Variants in DSC3 observed in about 807,000 individuals in gnomAD.
DSC3 encodes the protein desmocollin-3.
DSC3 carries 97 observed loss-of-function variants against 89.5 expected under a neutral mutation model. The observed-to-expected ratio is 1.08, with a 90% CI of 0.92 to 1.28. The LOEUF (loss-of-function observed/expected upper bound fraction) is 1.28. DSC3 is among the 50% of genes most tolerant of loss of function. The pLI is 0.00. For synonymous variants in DSC3, 436 were observed against 384.1 expected, an observed-to-expected ratio of 1.14 and a Z score of -1.58; for missense variants, 1,199 against 1,085.3, an observed-to-expected ratio of 1.10 and a Z score of -1.47.
chr18:31,019,609 A>G (rs1450284788), intron 7 of DSC3, among the ~76,000 whole-genome samples: 1 of 152,144 alleles, frequency 6.6e-6, no homozygotes, highest in Non-Finnish European at 1.5e-5. Context: ...CATGGGCAAT[A>G]TAGCAAGACC....
At chr18:30,996,346 G>A (rs1984465125) in intron 15 of DSC3, among the ~76,000 whole-genome samples, 1 of 151,990 alleles carries the variant, frequency 6.6e-6, no homozygotes. Flanking sequence ...ATTAAATTTT[G>A]TCAATTTGCA....
In DSC3 at chr18:30,992,807, G is replaced by T. The variant is rs1392576966; in HGVS notation, c.*1368C>A. 6.6e-6 allele frequency: 1 copy of T among 152,212 alleles called. No homozygotes were observed. Among genetic ancestry groups the T allele is most frequent in the African/African-American group, 2.4e-5 (1 of 41,460 alleles). 9.4% of individuals were successfully genotyped at this position (152,212 alleles called of 1,614,324 possible). On this transcript the variant is annotated 3_prime_UTR_variant, in exon 16 of 16. Coordinates refer to ENST00000360428, the MANE Select transcript of DSC3 (RefSeq NM_001941.5). Reference sequence around the variant, plus strand: ...AAAAATTAATTCACGCTGAAGGATGGTGGAAAACCTGGAGTCACTTAAGGG... The same window carrying T: ...AAAAATTAATTCACGCTGAAGGATGTTGGAAAACCTGGAGTCACTTAAGGG...
At chr18:31,012,781 G>C (rs1340674976) in intron 9 of DSC3, among the ~76,000 whole-genome samples, 1 of 152,124 alleles carries the variant, frequency 6.6e-6, no homozygotes, top group East Asian at 1.9e-4. Context: ...AGCAATTATA[G>C]AAAAGGAAAA....
chr18:31,008,496 C>T lies in DSC3; in HGVS notation c.1293G>A (p.Val431=), dbSNP rs267605144. 1 of 1,614,136 alleles carries T rather than the reference C, an allele frequency of 6.2e-7. No individual in the cohort carries two copies. Among genetic ancestry groups the T allele is most frequent in the Non-Finnish European group, 8.5e-7 (1 of 1,180,006 alleles). The change falls in exon 10 of 16, where the codon GTG becomes GTA. Residue 431 remains valine, a synonymous_variant. Coordinates refer to ENST00000360428, the MANE Select transcript of DSC3 (RefSeq NM_001941.5). ...CATTGTTTACTCCAATTTCCAGGTT[C>T]ACTTGACGGTTTTCTTCATAATTCA... is the stretch of plus-strand genomic sequence containing the variant. ...KPLNYEENRQ[V]NLEIGVNNEA...
intron 7 of DSC3, 106 bp downstream of exon 7, chr18:31,022,230 C>A: frequency 4.4e-6 from 6 of 1,375,784 alleles, no homozygotes; most frequent in South Asian, 1.3e-5. Context: ...TGTCTTATGC[C>A]TAAAATAAAA....
chr18:31,001,808 T>G, intron 13 of DSC3, 69 bp from the exon 14 acceptor site: 1 of 1,257,070 alleles, frequency 8.0e-7, no homozygotes, highest in Non-Finnish European at 1.1e-6. Flanking sequence ...ATCATTTATT[T>G]CTTACGACCT....
rs547756072 is a variant in DSC3, at chr18:30,996,833, A to G, written c.2451T>C (p.Thr817=). ...GHTEVDNCRY[T]YSEWHSFTQP... is the part of the protein sequence containing the mutation. ...GAGTAAAACTGTGCCACTCCGAGTA[A>G]GTGTATCTGCAGTTGTCCACCTCCG... Residue 817 remains threonine (T), a synonymous_variant, in exon 15 of 16, where the codon ACT becomes ACC. Transcript: ENST00000360428. 66 of 1,613,210 alleles carry G rather than the reference A, an allele frequency of 4.1e-5. 1 individual carries two copies. In the Admixed American group the frequency reaches 9.2e-4, roughly 22 times the overall value.
intron 9 of DSC3, among the ~76,000 whole-genome samples, chr18:31,010,014 A>G (rs981258143): frequency 6.6e-6 from 1 of 152,246 alleles, no homozygotes; most frequent in Non-Finnish European, 1.5e-5. Flanking sequence ...ATAAAGTTGA[A>G]GCACTTTTTC....
Position 31,031,083 on chromosome 18 carries a change from C to G in DSC3, c.244G>C (p.Ala82Pro). The G allele has an allele frequency of 6.2e-7, 1 of 1,614,092 alleles. No homozygotes were observed. Among genetic ancestry groups the G allele is most frequent in the Non-Finnish European group, 8.5e-7 (1 of 1,179,984 alleles). The part of the protein sequence containing the change: ...RVLNDGSVYT[A>P]RAVALSDKKR... ...TTATCAGACAGCGCAACAGCCCTGG[C>G]TGTGTACACTGACCCATCATTTAGA... Residue 82 changes from alanine to proline, a missense_variant, in exon 3 of 16, where the codon GCC (alanine) becomes CCC (proline). Ala to Pro is a conservative substitution (Grantham distance 27). Transcript: ENST00000360428.
At chr18:31,037,932 T>C (rs1986023807) in intron 1 of DSC3, among the ~76,000 whole-genome samples, 2 of 152,204 alleles carry the variant, frequency 1.3e-5, no homozygotes, top group African/African-American at 4.8e-5. Context: ...ACATTCTTAG[T>C]GTGCTATGAA....
At chr18:31,034,315 T>C (rs1985902172) in intron 1 of DSC3, among the ~76,000 whole-genome samples, 1 of 152,086 alleles carries the variant, frequency 6.6e-6, no homozygotes, top group Non-Finnish European at 1.5e-5. Flanking sequence ...TTTAGGGAAA[T>C]GGTAATCTAA....
rs541471270 is a variant in DSC3 at position 31,003,380 on chromosome 18, A to G, written c.2113+762T>C. On this transcript the variant is annotated intron_variant, in intron 13 of 15. Coordinates refer to ENST00000360428, the MANE Select transcript of DSC3 (RefSeq NM_001941.5). ...GCACCTAGAACAGTTTCCTGCCTAC[A>G]GTAGGTGTTTGATATATGTTTATTT... Among the ~76,000 whole-genome samples, 51 of 152,308 alleles carry G rather than the reference A, an allele frequency of 3.3e-4. No individual in the cohort carries two copies. In the South Asian group the frequency reaches 8.7e-3, roughly 26 times the overall value.
rs571329603 is a variant in DSC3, at chr18:31,000,758, T to C, written c.2235+860A>G. ...TTTCAAACCCTTCTTATTCTTTAAG[T>C]TACCAAGTAAGCTGTACCTCTTGTC... is the stretch of plus-strand genomic sequence containing the variant. On this transcript the variant is annotated intron_variant, in intron 14 of 15. Coordinates refer to ENST00000360428, the MANE Select transcript of DSC3 (RefSeq NM_001941.5). Among the ~76,000 whole-genome samples, 506 of 152,226 alleles carry C rather than the reference T, an allele frequency of 3.3e-3. 1 individual carries two copies. The highest frequency in any genetic ancestry group is 0.012 in the African/African-American group (486 of 41,542).
intron 9 of DSC3, among the ~76,000 whole-genome samples, chr18:31,010,353 G>A (rs1985017352): frequency 6.6e-6 from 1 of 152,180 alleles, no homozygotes; most frequent in Non-Finnish European, 1.5e-5. Context: ...AAGAGCAACT[G>A]CTGGCAATGA....
chr18:31,008,116 A>G lies in DSC3; in HGVS notation c.1563T>C (p.Asp521=), dbSNP rs1395125721. 1.2e-6 allele frequency: 2 copies of G among 1,612,846 alleles called. No individual in the cohort carries two copies. The highest frequency in any genetic ancestry group is 1.7e-4 in the Middle Eastern group (1 of 6,058). The change falls in exon 11 of 16, where the codon GAT becomes GAC. Residue 521 remains aspartate, a synonymous_variant. Transcript: ENST00000360428. The part of the protein sequence containing the change: ...LHDPKGWITI[D]EISGSIITSK... Reference sequence around the variant, plus strand: ...AAGTTATGATTGACCCTGAAATTTCATCAATGGTGATCCAACCTTTAGGAT... The same window carrying G: ...AAGTTATGATTGACCCTGAAATTTCGTCAATGGTGATCCAACCTTTAGGAT...
chr18:31,020,449 C>CA (rs1167328143), intron 7 of DSC3, among the ~76,000 whole-genome samples: 8 of 152,090 alleles, frequency 5.3e-5, no homozygotes, highest in Admixed American at 1.3e-4. Flanking sequence ...GTTAGATTTG[C>CA]AAAAAATGAA....
At chr18:31,021,400 A>G (rs116060967) in intron 7 of DSC3, among the ~76,000 whole-genome samples, 2,388 of 152,272 alleles carry the variant, frequency 0.016, 54 homozygotes, top group African/African-American at 0.055. Flanking sequence ...TATCTATAAC[A>G]TAAAATGCTC....
At chr18:31,026,253 G>A (rs1351673602) in intron 4 of DSC3, among the ~76,000 whole-genome samples, 2 of 150,930 alleles carry the variant, frequency 1.3e-5, no homozygotes, top group Admixed American at 6.7e-5. Context: ...TAGCAAGAAA[G>A]CCACTGTGAT....
intron 2 of DSC3, among the ~76,000 whole-genome samples, chr18:31,031,640 A>G (rs1052858782): frequency 7.9e-5 from 12 of 152,076 alleles, no homozygotes; most frequent in South Asian, 2.1e-4. Flanking sequence ...GAAAAATCCA[A>G]TCTCCGAAAT....
Sources: allele counts gnomAD v4.1 joint callset (sites outside exome capture counted in the v4.1 genomes callset), GRCh38; gene constraint gnomAD v4.1.1; transcripts MANE v1.5; gene names NCBI Gene and HGNC (gene_info 2026-07-23, HGNC 2026-07-21).